ABCC12: variants seen among roughly 807,000 people sequenced by gnomAD.
ABCC12 encodes the protein ATP binding cassette subfamily C member 12.
Under a neutral mutation model 151.1 loss-of-function variants are expected in ABCC12, and 142 were observed. The ratio of observed to expected loss-of-function variants is 0.94; its 90% CI spans 0.82 to 1.08. The LOEUF is 1.08. Among genes scored for constraint, ABCC12 ranks in the 50% least tolerant of loss-of-function variants. The pLI, the probability that ABCC12 is intolerant of heterozygous loss-of-function variation, is 0.00. For synonymous variants in ABCC12, 645 were observed against 646.4 expected, an observed-to-expected ratio of 1.00 and a Z score of 0.03; for missense variants, 1,638 against 1,691.1, an observed-to-expected ratio of 0.97 and a Z score of 0.55.
Position 48,115,622 on chromosome 16 carries a change from T to G in ABCC12, c.1786-4A>C, listed in dbSNP as rs1246887038. 9 of 1,612,382 alleles carry G rather than the reference T, an allele frequency of 5.6e-6. No homozygotes were observed. Among genetic ancestry groups the G allele is most frequent in the African/African-American group, 1.3e-5 (1 of 74,886 alleles). On this transcript the variant is annotated splice_region_variant and splice_polypyrimidine_tract_variant and intron_variant, in intron 14 of 30. Transcript: ENST00000311303. Reference sequence around the variant, plus strand: ...GGTTGAGGCCCCGCTCCCCAATCTGTGGACAGGGACAATGCTACTGCCCAT... The same window carrying G: ...GGTTGAGGCCCCGCTCCCCAATCTGGGGACAGGGACAATGCTACTGCCCAT...
In ABCC12 at chr16:48,103,147, G is replaced by T. The variant is rs147305955; in HGVS notation, c.2900+995C>A. Among the ~76,000 whole-genome samples, 75 of 152,252 alleles carry T rather than the reference G, an allele frequency of 4.9e-4. No individual in the cohort carries two copies. The East Asian group carries it at 0.014, about 29-fold the overall frequency. On this transcript the variant is annotated intron_variant, in intron 22 of 30. Transcript: ENST00000311303. ...TGTGCACAGGTGAAAGCAAGTCTAG[G>T]GTTTGTGGGCTGAATATTTTATTTG... is the stretch of plus-strand genomic sequence containing the variant.
chr16:48,103,405 T>C (rs1309929102), intron 22 of ABCC12, among the ~76,000 whole-genome samples: 1 of 152,218 alleles, frequency 6.6e-6, no homozygotes, highest in Non-Finnish European at 1.5e-5. Context: ...TAACAGCTTA[T>C]TCCATTTTTA....
chr16:48,111,892 C>T lies in ABCC12; in HGVS notation c.2008G>A (p.Glu670Lys). The change falls in exon 16 of 31, where the codon GAA (glutamate) becomes AAA (lysine). Residue 670 changes from glutamate to lysine, a missense_variant. Coordinates refer to ENST00000311303, the MANE Select transcript of ABCC12 (RefSeq NM_001393797.1). ...TCTCCATCTTCTAATAAAATAACTT[C>T]ATCACAAGACTCTAAGAACTGCAGA... is the stretch of plus-strand genomic sequence containing the variant. Reference protein sequence around the residue: ...HQLQFLESCDEVILLEDGEIC... With the variant: ...HQLQFLESCDKVILLEDGEIC... 1 of 1,614,052 alleles carries T rather than the reference C, an allele frequency of 6.2e-7. No individual in the cohort carries two copies. Among genetic ancestry groups the T allele is most frequent in the Non-Finnish European group, 8.5e-7 (1 of 1,179,976 alleles).
chr16:48,108,920 G>C (rs527587312), intron 18 of ABCC12, among the ~76,000 whole-genome samples: 1 of 152,242 alleles, frequency 6.6e-6, no homozygotes, highest in East Asian at 1.9e-4. Flanking sequence ...TGGGCCACTG[G>C]GGCTTCATCC....
At chr16:48,121,684 A>C in intron 13 of ABCC12, 32 bp downstream of exon 13, 1 of 1,613,380 alleles carries the variant, frequency 6.2e-7, no homozygotes, top group Non-Finnish European at 8.5e-7. Context: ...ACCAAACACA[A>C]ATGTGCCTCC....
intron 19 of ABCC12, among the ~76,000 whole-genome samples, chr16:48,107,781 CACCT>C: frequency 6.6e-6 from 1 of 152,314 alleles, no homozygotes; most frequent in South Asian, 2.1e-4. Flanking sequence ...GCAGGCGGAT[CACCT>C]GAGGTCAGGA....
chr16:48,146,262 G>A (rs1448765425), intron 3 of ABCC12, 44 bp downstream of exon 3: 2 of 1,569,378 alleles, frequency 1.3e-6, no homozygotes, highest in Non-Finnish European at 1.8e-6. Context: ...GACATTCCTG[G>A]AGGTCCTGCC....
At chr16:48,110,328 C>G (rs565288334) in intron 18 of ABCC12, among the ~76,000 whole-genome samples, 1 of 151,940 alleles carries the variant, frequency 6.6e-6, no homozygotes, top group East Asian at 1.9e-4. Context: ...TTTTTTCTTT[C>G]CAAGTGGTAG....
In ABCC12 at chr16:48,083,619, A is replaced by G; in HGVS notation, c.*96T>C. ...CCGTGGATGGGAGGGGCTGAAGACCAGGGCTGCCTGCGGAGAGGACAGCCC... is the reference window on the plus strand; with the variant it reads ...CCGTGGATGGGAGGGGCTGAAGACCGGGGCTGCCTGCGGAGAGGACAGCCC... On this transcript the variant is annotated 3_prime_UTR_variant, in exon 31 of 31. Transcript: ENST00000311303. The G allele has an allele frequency of 1.6e-6, 2 of 1,269,526 alleles. No homozygotes were observed. Among genetic ancestry groups the G allele is most frequent in the South Asian group, 1.3e-5 (1 of 77,136 alleles). 78.6% of individuals were successfully genotyped at this position (1,269,526 alleles called of 1,614,324 possible). A position where few individuals can be genotyped will look rare whatever the true frequency, so the allele number is the denominator to read the frequency against.
At chr16:48,152,387 G>T (rs1965128551) in intron 2 of ABCC12, among the ~76,000 whole-genome samples, 1 of 152,188 alleles carries the variant, frequency 6.6e-6, no homozygotes, top group Non-Finnish European at 1.5e-5. Flanking sequence ...TTTGGGCACG[G>T]TCTTTCTACC....
Position 48,135,402 on chromosome 16 carries a change from G to C in ABCC12, c.980-1567C>G, listed in dbSNP as rs76394815. 3.9e-3 allele frequency among the ~76,000 whole-genome samples: 601 copies of C among 152,220 alleles called. 3 individuals are homozygous for C. The highest frequency in any genetic ancestry group is 6.8e-3 in the Middle Eastern group (2 of 294). On this transcript the variant is annotated intron_variant, in intron 8 of 30. Transcript: ENST00000311303. ...TTTTTATTTATTTATTTATATTTGA[G>C]ACAGAGTATTGCTTCGTCACCCAGG...
chr16:48,137,084 T>C (rs1308454036), intron 8 of ABCC12, among the ~76,000 whole-genome samples: 14 of 152,104 alleles, frequency 9.2e-5, no homozygotes, highest in Admixed American at 9.2e-4. Context: ...GAGTGCACAA[T>C]GGATTGCAGG....
At chr16:48,097,081 T>C in intron 23 of ABCC12, 179 bp from the exon 24 acceptor site, 1 of 768,096 alleles carries the variant, frequency 1.3e-6, no homozygotes, top group Non-Finnish European at 2.2e-6. Context: ...CATATATTCA[T>C]GCTCTTAAAA....
intron 13 of ABCC12, 154 bp downstream of exon 13, chr16:48,121,562 G>A: frequency 9.5e-7 from 1 of 1,052,834 alleles, no homozygotes; most frequent in East Asian, 2.7e-5. Flanking sequence ...GGCTCAGGAA[G>A]AGGAAAACCA....
intron 22 of ABCC12, 94 bp downstream of exon 22, chr16:48,104,048 G>T: frequency 7.6e-7 from 1 of 1,323,344 alleles, no homozygotes; most frequent in Non-Finnish European, 1.0e-6. Context: ...TAGACCATCA[G>T]TAAAGACAGC....
chr16:48,149,718 A>C (rs1260163674), intron 2 of ABCC12, among the ~76,000 whole-genome samples: 1 of 152,244 alleles, frequency 6.6e-6, no homozygotes, highest in Non-Finnish European at 1.5e-5. Context: ...GTAAAGAATT[A>C]GTATGCAGAA....
intron 4 of ABCC12, 67 bp downstream of exon 4, chr16:48,143,843 C>T (rs1964904296): frequency 6.5e-7 from 1 of 1,534,264 alleles, no homozygotes; most frequent in Non-Finnish European, 8.8e-7. Flanking sequence ...AAATTACCCA[C>T]TCTCAGGTAT....
intron 28 of ABCC12, 66 bp downstream of exon 28, chr16:48,086,675 T>G: frequency 7.0e-7 from 1 of 1,424,194 alleles, no homozygotes; most frequent in East Asian, 2.3e-5. Context: ...AATTTAAACA[T>G]AGGCCAGGAA....
At chr16:48,144,891 T>A (rs981510241) in intron 3 of ABCC12, among the ~76,000 whole-genome samples, 7 of 152,114 alleles carry the variant, frequency 4.6e-5, no homozygotes, top group Non-Finnish European at 1.0e-4. Flanking sequence ...AACAACTCAG[T>A]AAGATGGGTG....
Sources: allele counts gnomAD v4.1 joint callset (sites outside exome capture counted in the v4.1 genomes callset), GRCh38; gene constraint gnomAD v4.1.1; transcripts MANE v1.5; gene names NCBI Gene and HGNC (gene_info 2026-07-23, HGNC 2026-07-21).